The following MAP3K7CL variants were observed in gnomAD, a reference collection of about 807,000 sequenced individuals.
The protein encoded by MAP3K7CL is MAP3K7 C-terminal-like protein.
Under a neutral mutation model 18.6 loss-of-function variants are expected in MAP3K7CL, and 16 were observed. That is an observed-to-expected ratio of 0.86 (90% CI 0.58 to 1.31). The LOEUF (loss-of-function observed/expected upper bound fraction) is 1.31. Among genes scored for constraint, MAP3K7CL ranks in the 50% most tolerant of loss-of-function variants. MAP3K7CL has a pLI of 0.00. For synonymous variants in MAP3K7CL, 65 were observed against 66.8 expected, an observed-to-expected ratio of 0.97 and a Z score of 0.13; for missense variants, 163 against 174.4, an observed-to-expected ratio of 0.93 and a Z score of 0.37.
chr21:29,171,478 C>T (rs73193815), intron 4 of MAP3K7CL, among the ~76,000 whole-genome samples: 11,020 of 152,142 alleles, frequency 0.072, 530 homozygotes, highest in Non-Finnish European at 0.11. Flanking sequence ...AGGATAACTG[C>T]ATTTTGATAG....
At chr21:29,092,360 A>G in intron 3 of MAP3K7CL, 1 of 1,551,976 alleles carries the variant, frequency 6.4e-7, no homozygotes, top group Non-Finnish European at 8.9e-7. Context: ...TCTCAGGGAA[A>G]AAAAGAACTG....
intron 2 of MAP3K7CL, among the ~76,000 whole-genome samples, chr21:29,143,951 T>G (rs1438769066): frequency 6.6e-6 from 1 of 152,160 alleles, no homozygotes; most frequent in East Asian, 1.9e-4. Flanking sequence ...GGTATATGCT[T>G]ATTTTTATCT....
In MAP3K7CL at chr21:29,109,647, A is replaced by G. The variant is rs546501638; in HGVS notation, c.370+17066A>G. 6.3e-5 allele frequency: 62 copies of G among 990,462 alleles called. 3 individuals are homozygous for G. The South Asian group carries it at 1.2e-3, about 20-fold the overall frequency. 61.4% of individuals were successfully genotyped at this position (990,462 alleles called of 1,614,324 possible). A position where few individuals can be genotyped will look rare whatever the true frequency, so the allele number is the denominator to read the frequency against. Reference sequence around the variant, plus strand: ...GTTGATATAGTAATGATGAATGTCTATAAGTGATAATTACTCTGCATTTAG... The same window carrying G: ...GTTGATATAGTAATGATGAATGTCTGTAAGTGATAATTACTCTGCATTTAG... On this transcript the variant is annotated intron_variant, in intron 4 of 6. Coordinates refer to the MAP3K7CL transcript ENST00000286791.
At chr21:29,139,895 CTTT>C (rs5843369) in intron 2 of MAP3K7CL, among the ~76,000 whole-genome samples, 4 of 67,362 alleles carry the variant, frequency 5.9e-5, no homozygotes, top group African/African-American at 2.2e-4. Context: ...CCATCTCTGG[CTTT>C]TTTTTTTTTT....
At chr21:29,145,153 T>C (rs2087098780) in intron 2 of MAP3K7CL, among the ~76,000 whole-genome samples, 1 of 152,228 alleles carries the variant, frequency 6.6e-6, no homozygotes, top group African/African-American at 2.4e-5. Context: ...AAAAATATGA[T>C]AAAGTGATTT....
At chr21:29,138,599 A>C (rs1008830457) in intron 2 of MAP3K7CL, among the ~76,000 whole-genome samples, 1 of 152,174 alleles carries the variant, frequency 6.6e-6, no homozygotes, top group Non-Finnish European at 1.5e-5. Context: ...TGTCTTTTGC[A>C]TTTTTTAGAA....
At chr21:29,167,113 G>A (rs1299026793) in intron 4 of MAP3K7CL, among the ~76,000 whole-genome samples, 1 of 152,202 alleles carries the variant, frequency 6.6e-6, no homozygotes, top group Non-Finnish European at 1.5e-5. Flanking sequence ...GAAACAATAT[G>A]TCATTGTGGT....
At chr21:29,111,235 G>A (rs1169309506) in intron 4 of MAP3K7CL, among the ~76,000 whole-genome samples, 1 of 151,902 alleles carries the variant, frequency 6.6e-6, no homozygotes. Flanking sequence ...CAGCCTGGGC[G>A]ACAGAGCGAG....
intron 4 of MAP3K7CL, among the ~76,000 whole-genome samples, chr21:29,098,626 C>T (rs978013381): frequency 6.6e-6 from 1 of 152,142 alleles, no homozygotes; most frequent in Admixed American, 6.5e-5. Flanking sequence ...TATTATAATT[C>T]CTTTTTGCAA....
chr21:29,150,677 T>C (rs2087248132), intron 3 of MAP3K7CL, among the ~76,000 whole-genome samples: 1 of 152,058 alleles, frequency 6.6e-6, no homozygotes, highest in Non-Finnish European at 1.5e-5. Context: ...TGGCTTCTAA[T>C]TTTTAACCAT....
At chr21:29,117,932 A>G (rs1436204219) in intron 4 of MAP3K7CL, among the ~76,000 whole-genome samples, 2 of 151,944 alleles carry the variant, frequency 1.3e-5, no homozygotes, top group Non-Finnish European at 2.9e-5. Flanking sequence ...TGTAAAATGT[A>G]TTTTTGGTTT....
chr21:29,084,080 TA>T (rs144236135), upstream of MAP3K7CL, among the ~76,000 whole-genome samples: 1,747 of 148,556 alleles, frequency 0.012, 25 homozygotes, highest in African/African-American at 0.04. Context: ...AATATGTATA[TA>T]TTTTTTTTTC....
At chr21:29,172,241 C>CTTTTTTTTTTTTTTTTTTTTTTTT (rs35612617) in intron 4 of MAP3K7CL, among the ~76,000 whole-genome samples, 1 of 126,250 alleles carries the variant, frequency 7.9e-6, no homozygotes, top group Non-Finnish European at 1.6e-5. Flanking sequence ...TTGTCATTTT[C>CTTTTTTTTTTTTTTTTTTTTTTTT]TTTTTTTTTT....
At chr21:29,085,940 C>G in intron 1 of MAP3K7CL, 1 of 1,613,710 alleles carries the variant, frequency 6.2e-7, no homozygotes, top group Non-Finnish European at 8.5e-7. Flanking sequence ...TCCCCCAACC[C>G]CTTCCTGTAA....
intron 3 of MAP3K7CL, among the ~76,000 whole-genome samples, chr21:29,153,350 G>A: frequency 6.6e-6 from 1 of 152,222 alleles, no homozygotes; most frequent in Non-Finnish European, 1.5e-5. Flanking sequence ...GCCCATCAGG[G>A]ACAGTATTTG....
intron 2 of MAP3K7CL, among the ~76,000 whole-genome samples, chr21:29,139,999 T>C (rs1373173084): frequency 6.6e-6 from 1 of 151,582 alleles, no homozygotes; most frequent in Non-Finnish European, 1.5e-5. Flanking sequence ...AACCAGGTAT[T>C]TGCAGGAAAC....
intron 1 of MAP3K7CL, among the ~76,000 whole-genome samples, chr21:29,089,395 A>T (rs544449505): frequency 3.5e-5 from 5 of 143,484 alleles, no homozygotes; most frequent in African/African-American, 1.2e-4. Flanking sequence ...AAAAATAATG[A>T]TGTTATTATT....
intron 3 of MAP3K7CL, among the ~76,000 whole-genome samples, chr21:29,159,711 C>T (rs2087495191): frequency 6.6e-6 from 1 of 151,998 alleles, no homozygotes; most frequent in Non-Finnish European, 1.5e-5. Flanking sequence ...CCTGAGATGC[C>T]CATGAATGAC....
At chr21:29,090,079 A>G (rs1410410252) in intron 1 of MAP3K7CL, among the ~76,000 whole-genome samples, 1 of 152,240 alleles carries the variant, frequency 6.6e-6, no homozygotes, top group Non-Finnish European at 1.5e-5. Context: ...CAGTAGATGC[A>G]GTAATGTGAA....
Sources: gnomAD v4.1 joint callset for allele counts (sites outside exome capture counted in the v4.1 genomes callset) on GRCh38, gnomAD v4.1.1 for gene constraint, MANE v1.5 for transcripts, NCBI Gene and HGNC (gene_info 2026-07-23, HGNC 2026-07-21) for gene names.